Variants in TRHDE observed in about 807,000 individuals in gnomAD.
The protein encoded by TRHDE is thyrotropin-releasing hormone-degrading ectoenzyme.
A neutral mutation model predicts 125.7 loss-of-function variants in TRHDE; 72 were observed. The observed-to-expected ratio is 0.57, with a 90% CI of 0.47 to 0.70. TRHDE has a LOEUF of 0.70. Ranked by LOEUF, TRHDE falls within the 30% of genes least tolerant of loss-of-function variation. The probability of loss-of-function intolerance (pLI) is 0.00; values close to 1 mark genes in which losing one functional copy is unlikely to be tolerated. For missense variants in TRHDE, 1,110 were observed against 1,327.1 expected (o/e 0.84, Z 2.54); for synonymous variants, 509 against 509.1 (o/e 1.00, Z 0.00).
intron 2 of TRHDE, among the ~76,000 whole-genome samples, chr12:72,374,096 G>A (rs1871755832): frequency 6.6e-6 from 1 of 152,144 alleles, no homozygotes; most frequent in Admixed American, 6.6e-5. Context: ...GGTGGTAGTA[G>A]TGGGGTTGTG....
At chr12:72,265,564 GC>G (rs766393077) in intron 2 of TRHDE, among the ~76,000 whole-genome samples, 34 of 151,214 alleles carry the variant, frequency 2.2e-4, no homozygotes, top group Non-Finnish European at 2.1e-4. Flanking sequence ...GAAAAAAAGA[GC>G]TATTTTTCAG....
chr12:72,088,438 A>G (rs2139280491), intron 1 of TRHDE, among the ~76,000 whole-genome samples: 1 of 152,204 alleles, frequency 6.6e-6, no homozygotes, highest in East Asian at 1.9e-4. Flanking sequence ...TTTGAGAGGT[A>G]TATTAAAAAC....
chr12:72,570,647 T>A (rs1041197032), intron 10 of TRHDE, among the ~76,000 whole-genome samples: 24 of 86,820 alleles, frequency 2.8e-4, no homozygotes, highest in Non-Finnish European at 7.6e-5. Flanking sequence ...CCACGGGTTA[T>A]GTTTGAGGGA....
At chr12:72,130,397 T>C (rs1875833283) in intron 2 of TRHDE, among the ~76,000 whole-genome samples, 1 of 152,136 alleles carries the variant, frequency 6.6e-6, no homozygotes. Context: ...GAAGAAATAA[T>C]GCAAAGCCAT....
chr12:72,645,303 C>T (rs966291897), intron 15 of TRHDE, among the ~76,000 whole-genome samples: 1 of 151,998 alleles, frequency 6.6e-6, no homozygotes, highest in South Asian at 2.1e-4. Flanking sequence ...TGAAGCTGAA[C>T]AACACAATAA....
chr12:72,121,365 G>T (rs1875576920), intron 2 of TRHDE, among the ~76,000 whole-genome samples: 1 of 152,140 alleles, frequency 6.6e-6, no homozygotes, highest in Non-Finnish European at 1.5e-5. Context: ...AGCTCATAGT[G>T]GCAGCGCTTT....
intron 5 of TRHDE, among the ~76,000 whole-genome samples, chr12:72,480,077 G>T (rs537059495): frequency 1.3e-5 from 2 of 151,092 alleles, no homozygotes; most frequent in East Asian, 3.9e-4. Context: ...GGACATTTGG[G>T]TTGGTTCCAA....
intron 3 of TRHDE, among the ~76,000 whole-genome samples, chr12:72,387,978 A>G (rs574550717): frequency 4.6e-5 from 7 of 152,166 alleles, no homozygotes; most frequent in African/African-American, 1.7e-4. Flanking sequence ...AATACAGTAA[A>G]TGATTCTTTC....
intron 6 of TRHDE, among the ~76,000 whole-genome samples, chr12:72,530,244 TC>T (rs1157296308): frequency 6.6e-6 from 1 of 152,036 alleles, no homozygotes; most frequent in Non-Finnish European, 1.5e-5. Context: ...TCTTTTAAAA[TC>T]CCCCAATTAA....
At chr12:72,585,557 C>T (rs1301547846) in intron 12 of TRHDE, among the ~76,000 whole-genome samples, 1 of 152,210 alleles carries the variant, frequency 6.6e-6, no homozygotes, top group South Asian at 2.1e-4. Flanking sequence ...AACACACATC[C>T]TAATGCCTAC....
chr12:72,603,569 C>CA (rs1431214181), intron 12 of TRHDE, among the ~76,000 whole-genome samples: 2 of 151,596 alleles, frequency 1.3e-5, no homozygotes, highest in African/African-American at 2.4e-5. Flanking sequence ...ACTAAAAATA[C>CA]AAAAAATTAG....
chr12:72,636,766 T>A (rs1260230238), intron 15 of TRHDE, among the ~76,000 whole-genome samples: 1 of 152,260 alleles, frequency 6.6e-6, no homozygotes, highest in East Asian at 1.9e-4. Context: ...GACAATCATG[T>A]GGTTTTTGTC....
chr12:72,345,179 A>T (rs146331404), intron 2 of TRHDE, among the ~76,000 whole-genome samples: 335 of 152,276 alleles, frequency 2.2e-3, no homozygotes, highest in African/African-American at 7.8e-3. Context: ...GTATTAATAC[A>T]TACATGTAAA....
chr12:72,621,092 T>C lies in TRHDE; in HGVS notation c.2470-16T>C, dbSNP rs373293229. The C allele has an allele frequency of 1.5e-5, 22 of 1,459,576 alleles. No individual in the cohort carries two copies. In the African/African-American group the frequency reaches 2.7e-4, roughly 18 times the overall value. 90.4% of individuals were successfully genotyped at this position (1,459,576 alleles called of 1,614,324 possible). ...TTAAACTGACCTTATCTTTATTTAT[T>C]CTATACCCCATTTAGGAATATATTT... On this transcript the variant is annotated splice_polypyrimidine_tract_variant and intron_variant, in intron 13 of 18. Transcript: ENST00000261180.
chr12:72,644,989 T>A (rs1449878286), intron 15 of TRHDE, among the ~76,000 whole-genome samples: 1 of 152,198 alleles, frequency 6.6e-6, no homozygotes, highest in East Asian at 1.9e-4. Context: ...GTTCCCAGAA[T>A]CTCTAGCTAG....
rs1227948175 is a variant in TRHDE, at chr12:72,343,740, G to A, written c.1189-34255G>A. ...TGAAAAAAAGAATTGACTGTAGATA[G>A]AGTAATGTGAAACTTAAAAGATATA... is the stretch of plus-strand genomic sequence containing the variant. On this transcript the variant is annotated intron_variant, in intron 2 of 18. Coordinates refer to ENST00000261180, the MANE Select transcript of TRHDE (RefSeq NM_013381.3). Among the ~76,000 whole-genome samples, 4 of 152,038 alleles carry A rather than the reference G, an allele frequency of 2.6e-5. 1 individual carries two copies. Among genetic ancestry groups the A allele is most frequent in the South Asian group, 4.1e-4 (2 of 4,826 alleles).
chr12:72,385,558 T>G (rs546279705), intron 3 of TRHDE, among the ~76,000 whole-genome samples: 2 of 152,286 alleles, frequency 1.3e-5, no homozygotes, highest in African/African-American at 2.4e-5. Context: ...TATTTTTATA[T>G]GTTTCTAACC....
At chr12:72,360,725 G>T (rs1343550359) in intron 2 of TRHDE, among the ~76,000 whole-genome samples, 1 of 151,758 alleles carries the variant, frequency 6.6e-6, no homozygotes, top group Non-Finnish European at 1.5e-5. Context: ...ACAGTTGATT[G>T]TGAAAGCCAA....
At chr12:72,489,013 G>A (rs991561747) in intron 5 of TRHDE, among the ~76,000 whole-genome samples, 1 of 151,516 alleles carries the variant, frequency 6.6e-6, no homozygotes, top group Non-Finnish European at 1.5e-5. Context: ...TCTAAGGGAG[G>A]ATTTTATAGT....
Sources: gnomAD v4.1 joint callset for allele counts (sites outside exome capture counted in the v4.1 genomes callset) on GRCh38, gnomAD v4.1.1 for gene constraint, MANE v1.5 for transcripts, NCBI Gene and HGNC (gene_info 2026-07-23, HGNC 2026-07-21) for gene names.